CEP112: variants seen among roughly 807,000 people sequenced by gnomAD.
CEP112 encodes centrosomal protein of 112 kDa.
In CEP112, 127 loss-of-function variants were observed where a neutral mutation model predicts 153.0. The observed-to-expected ratio is 0.83, with a 90% CI of 0.72 to 0.96. The LOEUF is 0.96. Ranked by LOEUF, CEP112 falls within the 40% of genes least tolerant of loss-of-function variation. CEP112 has a pLI of 0.00. For synonymous variants in CEP112, 358 were observed against 374.4 expected, an observed-to-expected ratio of 0.96 and a Z score of 0.51; for missense variants, 1,089 against 1,101.2, an observed-to-expected ratio of 0.99 and a Z score of 0.16.
At chr17:65,688,742 A>T (rs1418981621) in intron 24 of CEP112, 1 of 158,718 alleles carries the variant, frequency 6.3e-6, no homozygotes, top group African/African-American at 2.4e-5. Flanking sequence ...CACCCAAAGC[A>T]TCTTAACTGA....
chr17:65,886,687 G>T (rs1023979899), intron 20 of CEP112, among the ~76,000 whole-genome samples: 5 of 152,148 alleles, frequency 3.3e-5, no homozygotes, highest in Non-Finnish European at 5.9e-5. Flanking sequence ...TAGTTAAAAT[G>T]CAATTCACTA....
At chr17:65,755,439 C>T (rs933207961) in intron 21 of CEP112, among the ~76,000 whole-genome samples, 4 of 152,120 alleles carry the variant, frequency 2.6e-5, no homozygotes, top group African/African-American at 9.7e-5. Context: ...CTGGGGATTA[C>T]AATTTGACCT....
rs577490648 is a variant in CEP112 at position 66,138,512 on chromosome 17, A to G, written c.471-5749T>C. On this transcript the variant is annotated intron_variant, in intron 4 of 26. Coordinates refer to ENST00000535342, the MANE Select transcript of CEP112 (RefSeq NM_001199165.4). Reference sequence around the variant, plus strand: ...ACAACTTGGATGGTTTCATACCACAAAATAATTTGTTAATGAATACAGAAT... The same window carrying G: ...ACAACTTGGATGGTTTCATACCACAGAATAATTTGTTAATGAATACAGAAT... Among the ~76,000 whole-genome samples the G allele has an allele frequency of 9.2e-5, 14 of 152,348 alleles. No individual in the cohort carries two copies. The South Asian group carries it at 2.5e-3, about 27-fold the overall frequency.
chr17:66,000,033 A>C (rs923366733), intron 17 of CEP112, among the ~76,000 whole-genome samples: 2 of 152,132 alleles, frequency 1.3e-5, no homozygotes, highest in African/African-American at 4.8e-5. Context: ...ATAAACTTAC[A>C]TGTGCATGTG....
At chr17:65,798,540 G>T (rs2055071164) in intron 21 of CEP112, among the ~76,000 whole-genome samples, 1 of 152,042 alleles carries the variant, frequency 6.6e-6, no homozygotes, top group Non-Finnish European at 1.5e-5. Context: ...AGGTTCTAGG[G>T]ATATCTCCCT....
intron 4 of CEP112, among the ~76,000 whole-genome samples, chr17:66,172,778 A>G (rs957267346): frequency 2.6e-5 from 4 of 152,218 alleles, no homozygotes; most frequent in East Asian, 3.8e-4. Flanking sequence ...CACTGCACTG[A>G]AACTATCCAT....
intron 12 of CEP112, among the ~76,000 whole-genome samples, chr17:66,053,022 G>A (rs186375862): frequency 8.6e-5 from 13 of 151,828 alleles, no homozygotes; most frequent in African/African-American, 1.9e-4. Context: ...CACAAGAATC[G>A]CTTGAGCCTG....
At chr17:65,796,903 A>C (rs2145782051) in intron 21 of CEP112, among the ~76,000 whole-genome samples, 1 of 151,736 alleles carries the variant, frequency 6.6e-6, no homozygotes, top group South Asian at 2.1e-4. Context: ...CAAGAAAAAA[A>C]ATTAGCTGGG....
chr17:66,020,596 T>C (rs1293562963), intron 16 of CEP112, among the ~76,000 whole-genome samples: 1 of 152,224 alleles, frequency 6.6e-6, no homozygotes, highest in Non-Finnish European at 1.5e-5. Context: ...ATAAACCATA[T>C]GTAATTTTAA....
intron 9 of CEP112, among the ~76,000 whole-genome samples, chr17:66,069,001 T>C (rs1343431095): frequency 2.6e-5 from 4 of 151,850 alleles, no homozygotes; most frequent in Admixed American, 2.6e-4. Flanking sequence ...AAAGGAGAGT[T>C]CAGTTTTTTT....
chr17:66,030,019 TG>T lies in CEP112; in HGVS notation c.1222del (p.His408ThrfsTer2), dbSNP rs1477484370. The T allele has an allele frequency of 1.2e-6, 2 of 1,613,214 alleles. No individual in the cohort carries two copies. Among genetic ancestry groups the T allele is most frequent in the Admixed American group, 3.3e-5 (2 of 59,904 alleles). Reference sequence around the variant, plus strand: ...ACGGGCCTCCAGTTCTTTGATCATGTGGTTCTAAAAGAACAGGTCATGGTTA... The same window carrying T: ...ACGGGCCTCCAGTTCTTTGATCATGTGTTCTAAAAGAACAGGTCATGGTTA... ...EYMAQTQSTN[H>X]MIKELEARVQ... On this transcript the variant is annotated frameshift_variant, in exon 13 of 27. Coordinates refer to ENST00000535342, the MANE Select transcript of CEP112 (RefSeq NM_001199165.4). LOFTEE classifies it high-confidence loss of function.
chr17:65,807,797 C>T lies in CEP112; in HGVS notation c.2394+44007G>A, dbSNP rs144684317. Among the ~76,000 whole-genome samples the T allele has an allele frequency of 1.3e-3, 204 of 152,350 alleles. 3 individuals carry two copies. The highest frequency in any genetic ancestry group is 4.9e-3 in the African/African-American group (202 of 41,592). ...GGATGTATGGAAATGCCTGAATGTC[C>T]AGGCAGAAGTCTGTTGCAGGGGCAA... On this transcript the variant is annotated intron_variant, in intron 21 of 26. Transcript: ENST00000535342.
At chr17:65,856,382 ATTT>A (rs1337547945) in intron 20 of CEP112, among the ~76,000 whole-genome samples, 4 of 152,178 alleles carry the variant, frequency 2.6e-5, no homozygotes, top group African/African-American at 9.7e-5. Flanking sequence ...AATTGGAAAG[ATTT>A]TATCCAAGCT....
intron 24 of CEP112, among the ~76,000 whole-genome samples, chr17:65,671,242 G>A (rs1356735504): frequency 4.6e-5 from 7 of 152,178 alleles, no homozygotes; most frequent in African/African-American, 1.2e-4. Flanking sequence ...TCACAGAAAA[G>A]AGAGCCCTGA....
intron 16 of CEP112, among the ~76,000 whole-genome samples, chr17:66,022,078 G>T (rs1448017315): frequency 2.0e-5 from 3 of 152,092 alleles, no homozygotes; most frequent in Non-Finnish European, 2.9e-5. Flanking sequence ...TTCTCAGGAG[G>T]CTGTGAGCCT....
In CEP112 at chr17:65,859,954, G is replaced by A. The variant is rs925568428; in HGVS notation, c.2164-7920C>T. 3.4e-5 allele frequency among the ~76,000 whole-genome samples: 5 copies of A among 149,164 alleles called. No homozygotes were observed. In the Admixed American group the frequency reaches 3.4e-4, roughly 10 times the overall value. On this transcript the variant is annotated intron_variant, in intron 20 of 26. Transcript: ENST00000535342. ...CTCTTTAACCCAGGAGGCAGAGGTT[G>A]CAGTGAGCCAAGATTGCGCCACGGC...
chr17:66,057,509 C>A (rs551292491), intron 11 of CEP112, among the ~76,000 whole-genome samples: 1 of 152,034 alleles, frequency 6.6e-6, no homozygotes, highest in Admixed American at 6.5e-5. Flanking sequence ...GGAATTCAGA[C>A]CAAGGAGAGA....
chr17:65,736,693 T>G (rs535815457), intron 23 of CEP112, among the ~76,000 whole-genome samples: 1 of 152,332 alleles, frequency 6.6e-6, no homozygotes, highest in Admixed American at 6.5e-5. Flanking sequence ...GCTAGTCATG[T>G]GCAGATTAGA....
intron 4 of CEP112, among the ~76,000 whole-genome samples, chr17:66,156,353 T>G (rs1400579362): frequency 6.6e-6 from 1 of 151,906 alleles, no homozygotes; most frequent in African/African-American, 2.4e-5. Context: ...AAAAAGGGTG[T>G]CCACACAGAA....
Sources: gnomAD v4.1 joint callset for allele counts (sites outside exome capture counted in the v4.1 genomes callset) on GRCh38, gnomAD v4.1.1 for gene constraint, MANE v1.5 for transcripts, NCBI Gene and HGNC (gene_info 2026-07-23, HGNC 2026-07-21) for gene names.